Variants in GABRG3 observed in about 807,000 individuals in gnomAD.
The protein encoded by GABRG3 is gamma-aminobutyric acid receptor subunit gamma-3.
Under a neutral mutation model 48.8 loss-of-function variants are expected in GABRG3, and 25 were observed. The observed-to-expected ratio is 0.51, with a 90% CI of 0.37 to 0.72. GABRG3 has a LOEUF of 0.72. GABRG3 is among the 30% of genes least tolerant of loss of function. The pLI, the probability that GABRG3 is intolerant of heterozygous loss-of-function variation, is 0.00. For synonymous variants in GABRG3, 227 were observed against 217.6 expected, an observed-to-expected ratio of 1.04 and a Z score of -0.38; for missense variants, 394 against 577.9, an observed-to-expected ratio of 0.68 and a Z score of 3.26.
intron 3 of GABRG3, among the ~76,000 whole-genome samples, chr15:27,064,191 G>T (rs1022011438): frequency 1.3e-5 from 2 of 152,306 alleles, no homozygotes; most frequent in African/African-American, 4.8e-5. Context: ...AGGGCGCAGG[G>T]TGGAAAACAT....
chr15:27,022,107 A>C (rs1895905847), intron 2 of GABRG3, among the ~76,000 whole-genome samples: 1 of 152,080 alleles, frequency 6.6e-6, no homozygotes, highest in African/African-American at 2.4e-5. Context: ...ATGCTGAGCC[A>C]AGCACAATTT....
At chr15:27,409,625 A>G (rs1309411634) in intron 5 of GABRG3, among the ~76,000 whole-genome samples, 1 of 152,192 alleles carries the variant, frequency 6.6e-6, no homozygotes, top group Non-Finnish European at 1.5e-5. Context: ...ATGTAGCAAA[A>G]AAAACTCTAG....
At chr15:27,518,572 G>A (rs1891084794) in intron 6 of GABRG3, among the ~76,000 whole-genome samples, 1 of 152,086 alleles carries the variant, frequency 6.6e-6, no homozygotes, top group Admixed American at 6.5e-5. Context: ...AAGATTTCCT[G>A]GGGAAGTAAG....
intron 3 of GABRG3, among the ~76,000 whole-genome samples, chr15:27,269,703 A>C (rs760543947): frequency 6.6e-6 from 1 of 152,236 alleles, no homozygotes; most frequent in Non-Finnish European, 1.5e-5. Flanking sequence ...AATAGGTGAC[A>C]TGAGTACATT....
At chr15:27,238,408 AGTGC>A (rs1890040660) in intron 3 of GABRG3, among the ~76,000 whole-genome samples, 1 of 152,232 alleles carries the variant, frequency 6.6e-6, no homozygotes, top group Non-Finnish European at 1.5e-5. Context: ...GCGGGGGCGC[AGTGC>A]GTCATCACTG....
At chr15:27,296,708 A>G in intron 3 of GABRG3, among the ~76,000 whole-genome samples, 1 of 152,160 alleles carries the variant, frequency 6.6e-6, no homozygotes, top group South Asian at 2.1e-4. Context: ...AAACAAACCT[A>G]CTGCACTGCT....
At chr15:27,277,551 C>T (rs752435485) in intron 3 of GABRG3, among the ~76,000 whole-genome samples, 1 of 152,104 alleles carries the variant, frequency 6.6e-6, no homozygotes, top group African/African-American at 2.4e-5. Flanking sequence ...TAAAAATATT[C>T]CCAGACGTTC....
At chr15:27,298,491 C>CA (rs1374410214) in intron 3 of GABRG3, among the ~76,000 whole-genome samples, 1 of 151,924 alleles carries the variant, frequency 6.6e-6, no homozygotes, top group Non-Finnish European at 1.5e-5. Flanking sequence ...GGGGAATAGT[C>CA]AATTATGTAT....
chr15:27,035,022 G>A (rs896775116), intron 3 of GABRG3, among the ~76,000 whole-genome samples: 3 of 152,198 alleles, frequency 2.0e-5, no homozygotes, highest in African/African-American at 7.2e-5. Flanking sequence ...GAACTCACAG[G>A]TAATGGAGCA....
intron 5 of GABRG3, among the ~76,000 whole-genome samples, chr15:27,386,914 A>G (rs1895940096): frequency 6.6e-6 from 1 of 152,232 alleles, no homozygotes; most frequent in Non-Finnish European, 1.5e-5. Context: ...CACAGGATGC[A>G]CTTGTCTATG....
chr15:27,080,815 T>C (rs1298980080), intron 3 of GABRG3, among the ~76,000 whole-genome samples: 1 of 152,192 alleles, frequency 6.6e-6, no homozygotes, highest in Non-Finnish European at 1.5e-5. Flanking sequence ...TGGGACTTGC[T>C]TCCAACAAGA....
At chr15:27,174,117 T>G (rs955339245) in intron 3 of GABRG3, among the ~76,000 whole-genome samples, 1 of 152,132 alleles carries the variant, frequency 6.6e-6, no homozygotes, top group Non-Finnish European at 1.5e-5. Context: ...AATGGCAATG[T>G]TATTTTACTA....
intron 5 of GABRG3, among the ~76,000 whole-genome samples, chr15:27,410,834 G>C (rs115834820): frequency 7.0e-6 from 1 of 142,526 alleles, no homozygotes; most frequent in Admixed American, 7.5e-5. Flanking sequence ...GAGAGCACAC[G>C]TGCGCACGCT....
chr15:27,474,737 T>C (rs1389206451), intron 5 of GABRG3, among the ~76,000 whole-genome samples: 1 of 152,240 alleles, frequency 6.6e-6, no homozygotes, highest in Non-Finnish European at 1.5e-5. Context: ...ATTGATAATC[T>C]TAATGTTCTT....
chr15:27,240,826 C>G (rs1890108921), intron 3 of GABRG3, among the ~76,000 whole-genome samples: 1 of 152,202 alleles, frequency 6.6e-6, no homozygotes, highest in Admixed American at 6.5e-5. Context: ...CAACACTTAA[C>G]TGAACGTGAT....
At chr15:27,380,763 G>GT (rs71132807) in intron 5 of GABRG3, among the ~76,000 whole-genome samples, 9,627 of 115,102 alleles carry the variant, frequency 0.084, 437 homozygotes, top group Non-Finnish European at 0.1. Context: ...GTTCTGTGTG[G>GT]TTTTTTTTTT....
chr15:27,237,009 C>T (rs1889994158), intron 3 of GABRG3, among the ~76,000 whole-genome samples: 1 of 152,218 alleles, frequency 6.6e-6, no homozygotes, highest in Non-Finnish European at 1.5e-5. Context: ...TAAAGCTCTC[C>T]TTTCCAAATG....
At chr15:27,271,570 A>C (rs1458765369) in intron 3 of GABRG3, 1 of 452,612 alleles carries the variant, frequency 2.2e-6, no homozygotes, top group South Asian at 1.6e-5. Context: ...ACAGAAGAGG[A>C]TGGCTGCTGG....
Position 27,248,803 on chromosome 15 carries a change from C to CACAG in GABRG3, c.271-78005_271-78004insCAGA, listed in dbSNP as rs1377080195. Among the ~76,000 whole-genome samples the CACAG allele has an allele frequency of 9.1e-3, 1,005 of 110,182 alleles. 3 individuals are homozygous for CACAG. The highest frequency in any genetic ancestry group is 0.013 in the Non-Finnish European group (739 of 55,728). The allele number at this position is 110,182 out of a possible 152,430, so 72.3% of individuals were successfully genotyped here. A position where few individuals can be genotyped will look rare whatever the true frequency, so the allele number is the denominator to read the frequency against. ...ACACACACACACACACACACACACA[C>CACAG]AGAGAGAGAGAGAGAGAGAGAGAGA... On this transcript the variant is annotated intron_variant, in intron 3 of 9. Coordinates refer to ENST00000615808, the MANE Select transcript of GABRG3 (RefSeq NM_033223.5).
Sources: allele counts gnomAD v4.1 joint callset (sites outside exome capture counted in the v4.1 genomes callset), GRCh38; gene constraint gnomAD v4.1.1; transcripts MANE v1.5; gene names NCBI Gene and HGNC (gene_info 2026-07-23, HGNC 2026-07-21).